The following FAM199X variants were observed in gnomAD, a reference collection of about 807,000 sequenced individuals.
The protein encoded by FAM199X is family with sequence similarity 199, X-linked.
FAM199X carries 4 observed loss-of-function variants against 22.9 expected under a neutral mutation model. That is an observed-to-expected ratio of 0.17 (90% confidence interval 0.09 to 0.40). The LOEUF is 0.40. Among genes scored for constraint, FAM199X ranks in the 10% least tolerant of loss-of-function variants. The probability of loss-of-function intolerance (pLI) is 1.00; values close to 1 mark genes in which losing one functional copy is unlikely to be tolerated. For synonymous variants in FAM199X, 101 were observed against 112.3 expected (o/e 0.90, Z 0.64); for missense variants, 183 against 306.8 (o/e 0.60, Z 3.01).
At chrX:104,159,540 A>G in the FAM199X span, among the ~76,000 whole-genome samples, 1 of 112,608 alleles carries the variant, frequency 8.9e-6, no homozygotes, top group African/African-American at 3.2e-5. Flanking sequence ...TACGTACATA[A>G]TTTAAGTGTT....
chrX:104,166,736 G>C lies in FAM199X; in HGVS notation c.-50G>C, dbSNP rs1166264567. 9.8e-6 allele frequency: 11 copies of C among 1,122,581 alleles called. No individual in the cohort carries two copies. Among genetic ancestry groups the C allele is most frequent in the African/African-American group, 1.8e-5 (1 of 54,958 alleles). The allele number at this position is 1,122,581 out of a possible 1,213,427, so 92.5% of individuals were successfully genotyped here. On this transcript the variant is annotated 5_prime_UTR_variant, in exon 1 of 6. Coordinates refer to ENST00000493442, the MANE Select transcript of FAM199X (RefSeq NM_207318.4). ...TTAGAGTGGGGGCAGGGGCGGGCGC[G>C]GGAGCAGCCCAGGGCCAGAGAGGGA...
chrX:104,184,205 A>T (rs1227796525), intron 2 of FAM199X, among the ~76,000 whole-genome samples: 1 of 112,182 alleles, frequency 8.9e-6, no homozygotes, highest in African/African-American at 3.2e-5. Context: ...AATCCCCTGT[A>T]CCTATTATAC....
upstream of FAM199X, among the ~76,000 whole-genome samples, chrX:104,162,985 A>G (rs1921075018): frequency 9.0e-6 from 1 of 111,386 alleles, no homozygotes; most frequent in Non-Finnish European, 1.9e-5. Context: ...TTTCCCTCTG[A>G]AACATTGCCA....
rs1921918457 is a variant in FAM199X at position 104,190,784 on chromosome X, A to G, written c.*1006A>G. ...GTTAATGTTGAAAATTAACTGATGA[A>G]AACCCTTGTAGATCTGCTAAACTTC... On this transcript the variant is annotated 3_prime_UTR_variant, in exon 6 of 6. Coordinates refer to ENST00000493442, the MANE Select transcript of FAM199X (RefSeq NM_207318.4). 1.8e-5 allele frequency: 2 copies of G among 111,512 alleles called. No individual in the cohort carries two copies. The highest frequency in any genetic ancestry group is 6.5e-5 in the African/African-American group (2 of 30,689). The allele number at this position is 111,512 out of a possible 1,213,427, so 9.2% of individuals were successfully genotyped here.
the FAM199X span, among the ~76,000 whole-genome samples, chrX:104,157,402 T>TGCATATGTAAGGA: frequency 9.0e-6 from 1 of 111,225 alleles, no homozygotes; most frequent in East Asian, 2.8e-4. Context: ...ACTCTTTAGC[T>TGCATATGTAAGGA]GCATATGTAA....
intron 2 of FAM199X, among the ~76,000 whole-genome samples, chrX:104,183,534 G>A (rs782370782): frequency 1.5e-4 from 16 of 109,550 alleles, no homozygotes; most frequent in South Asian, 4.0e-4. Context: ...GCACGATCTC[G>A]GCTCACTGCA....
Position 104,194,117 on chromosome X carries a change from G to A in FAM199X, c.*4339G>A, listed in dbSNP as rs782119576. 2.7e-5 allele frequency: 3 copies of A among 111,111 alleles called. No homozygotes were observed. Among genetic ancestry groups the A allele is most frequent in the Non-Finnish European group, 5.7e-5 (3 of 52,755 alleles). The allele number at this position is 111,111 out of a possible 1,213,427, so 9.2% of individuals were successfully genotyped here. A position where few individuals can be genotyped will look rare whatever the true frequency, so the allele number is the denominator to read the frequency against. On this transcript the variant is annotated 3_prime_UTR_variant, in exon 6 of 6. Coordinates refer to ENST00000493442, the MANE Select transcript of FAM199X (RefSeq NM_207318.4). ...CCCTCTAGTTATTTTTTAAATTAAG[G>A]TAATTACTGTTTTAACCTAGAGCAT... is the stretch of plus-strand genomic sequence containing the variant.
chrX:104,185,182 C>T (rs1221155009), intron 2 of FAM199X, among the ~76,000 whole-genome samples: 1 of 106,417 alleles, frequency 9.4e-6, no homozygotes, highest in Admixed American at 1.0e-4. Flanking sequence ...GCTGAGATTA[C>T]AGGCGTGAGC....
intron 3 of FAM199X, 48 bp downstream of exon 3, chrX:104,186,263 G>A: frequency 8.6e-7 from 1 of 1,161,379 alleles, no homozygotes; most frequent in South Asian, 2.0e-5. Context: ...TGGAGACTAG[G>A]TAAAGCTCAG....
chrX:104,164,581 A>G (rs1921109044), upstream of FAM199X, among the ~76,000 whole-genome samples: 1 of 111,562 alleles, frequency 9.0e-6, no homozygotes, highest in Admixed American at 9.6e-5. Context: ...TGTAAAAGGT[A>G]TATATATTTA....
chrX:104,164,588 TTTAAA>T (rs1921109310), upstream of FAM199X, among the ~76,000 whole-genome samples: 1 of 111,470 alleles, frequency 9.0e-6, no homozygotes, highest in Non-Finnish European at 1.9e-5. Context: ...GGTATATATA[TTTAAA>T]TTAGACCACC....
At chrX:104,177,692 G>C (rs1161466056) in intron 2 of FAM199X, among the ~76,000 whole-genome samples, 2 of 111,757 alleles carry the variant, frequency 1.8e-5, no homozygotes, top group Non-Finnish European at 3.8e-5. Context: ...ATGGTTTTGA[G>C]CATCTTTTCA....
chrX:104,159,994 G>C, the FAM199X span, among the ~76,000 whole-genome samples: 1 of 112,209 alleles, frequency 8.9e-6, no homozygotes, highest in Non-Finnish European at 1.9e-5. Flanking sequence ...GCCATATCCT[G>C]CTTCTCTCAC....
intron 1 of FAM199X, among the ~76,000 whole-genome samples, chrX:104,169,863 C>T (rs181709457): frequency 2.0e-4 from 22 of 112,046 alleles, no homozygotes; most frequent in African/African-American, 5.5e-4. Flanking sequence ...CCACCGCGCC[C>T]GGCCCAGTAT....
At chrX:104,159,962 C>G in the FAM199X span, among the ~76,000 whole-genome samples, 1 of 112,124 alleles carries the variant, frequency 8.9e-6, no homozygotes. Flanking sequence ...TTGTTTCCAG[C>G]GAGCTTAGGT....
chrX:104,162,805 A>G (rs1309655126), upstream of FAM199X, among the ~76,000 whole-genome samples: 1 of 111,816 alleles, frequency 8.9e-6, no homozygotes, highest in Admixed American at 9.5e-5. Flanking sequence ...AAGCATCAAC[A>G]GTTTGCACCC....
chrX:104,188,838 G>A (rs1602522830), intron 5 of FAM199X, among the ~76,000 whole-genome samples: 1 of 109,915 alleles, frequency 9.1e-6, no homozygotes, highest in East Asian at 2.8e-4. Context: ...GAAGGTATAA[G>A]TATATTTAGA....
chrX:104,181,437 T>G (rs1556377846), intron 2 of FAM199X, among the ~76,000 whole-genome samples: 1 of 112,190 alleles, frequency 8.9e-6, no homozygotes, highest in East Asian at 2.8e-4. Context: ...ACATTTCCAC[T>G]TAGATGACCT....
intron 2 of FAM199X, among the ~76,000 whole-genome samples, chrX:104,185,675 A>G (rs977097815): frequency 3.6e-5 from 4 of 110,565 alleles, no homozygotes; most frequent in East Asian, 2.8e-4. Flanking sequence ...CAGTGGCACC[A>G]TCTCGGCTCA....
Sources: gnomAD v4.1 joint callset for allele counts (sites outside exome capture counted in the v4.1 genomes callset) on GRCh38, gnomAD v4.1.1 for gene constraint, MANE v1.5 for transcripts, NCBI Gene and HGNC (gene_info 2026-07-23, HGNC 2026-07-21) for gene names.